THNSL1: variants seen among roughly 807,000 people sequenced by gnomAD.
THNSL1 encodes the protein threonine synthase like 1, also known as threonine synthase-like 1.
A neutral mutation model predicts 50.4 loss-of-function variants in THNSL1; 48 were observed. The ratio of observed to expected loss-of-function variants is 0.95; its 90% CI spans 0.76 to 1.21. THNSL1 has a LOEUF of 1.21. Ranked by LOEUF, THNSL1 falls within the 50% of genes most tolerant of loss-of-function variation. The pLI, the probability that THNSL1 is intolerant of heterozygous loss-of-function variation, is 0.00. For missense variants in THNSL1, 896 were observed against 871.7 expected, an observed-to-expected ratio of 1.03 and a Z score of -0.35; for synonymous variants, 309 against 306.1, an observed-to-expected ratio of 1.01 and a Z score of -0.10.
the THNSL1 span, among the ~76,000 whole-genome samples, chr10:24,969,699 G>T: frequency 6.6e-6 from 1 of 152,320 alleles, no homozygotes; most frequent in South Asian, 2.1e-4. Flanking sequence ...ATTTTATCAC[G>T]TGGAACGACA....
intron 1 of THNSL1, among the ~76,000 whole-genome samples, chr10:25,019,294 C>A (rs1175431806): frequency 6.6e-6 from 1 of 152,042 alleles, no homozygotes; most frequent in Non-Finnish European, 1.5e-5. Context: ...GGCAACATGG[C>A]GAAACCCCCT....
chr10:24,993,612 C>G, the THNSL1 span, among the ~76,000 whole-genome samples: 1 of 152,218 alleles, frequency 6.6e-6, no homozygotes, highest in Non-Finnish European at 1.5e-5. Context: ...TTTACTATCT[C>G]ACCTACCAAT....
chr10:25,015,339 G>A (rs1347742131), upstream of THNSL1, among the ~76,000 whole-genome samples: 1 of 152,092 alleles, frequency 6.6e-6, no homozygotes, highest in East Asian at 1.9e-4. Context: ...CTGCCTAATA[G>A]TGGTAGATAT....
At chr10:24,972,945 A>AT in the THNSL1 span, among the ~76,000 whole-genome samples, 8 of 152,118 alleles carry the variant, frequency 5.3e-5, no homozygotes, top group Non-Finnish European at 1.0e-4. Flanking sequence ...TATACTACAT[A>AT]TTTTTTTCTG....
At chr10:25,004,521 T>C in the THNSL1 span, among the ~76,000 whole-genome samples, 1 of 152,236 alleles carries the variant, frequency 6.6e-6, no homozygotes, top group Non-Finnish European at 1.5e-5. Flanking sequence ...TCAGTGATGT[T>C]AAGCTTTTCT....
the THNSL1 span, among the ~76,000 whole-genome samples, chr10:24,955,511 T>C: frequency 2.6e-5 from 4 of 152,186 alleles, no homozygotes; most frequent in African/African-American, 7.2e-5. Context: ...GATGATGAGA[T>C]GAATGTGAGA....
At chr10:25,007,837 G>A in the THNSL1 span, among the ~76,000 whole-genome samples, 6 of 151,902 alleles carry the variant, frequency 3.9e-5, no homozygotes, top group South Asian at 4.2e-4. Context: ...TCCTGTATCT[G>A]GTTGTCTCTC....
chr10:24,984,069 A>G, the THNSL1 span: 1 of 327,582 alleles, frequency 3.1e-6, no homozygotes, highest in Non-Finnish European at 5.5e-6. Context: ...GCTAGAAAGG[A>G]GGCTATTCTC....
At chr10:25,018,241 A>G (rs920423324) in intron 1 of THNSL1, among the ~76,000 whole-genome samples, 11 of 152,206 alleles carry the variant, frequency 7.2e-5, no homozygotes, top group East Asian at 3.8e-4. Context: ...TTGATCTGCA[A>G]TTCTCCTTGC....
chr10:24,986,034 C>T, the THNSL1 span, among the ~76,000 whole-genome samples: 1 of 152,178 alleles, frequency 6.6e-6, no homozygotes, highest in Non-Finnish European at 1.5e-5. Flanking sequence ...CGCCACTGCA[C>T]TCCAGCCTGA....
chr10:25,016,416 G>A (rs1183461609), upstream of THNSL1, among the ~76,000 whole-genome samples: 1 of 152,228 alleles, frequency 6.6e-6, no homozygotes, highest in Non-Finnish European at 1.5e-5. Flanking sequence ...GTGCGCAGGC[G>A]TCACCCAATA....
chr10:24,960,799 A>G, the THNSL1 span, among the ~76,000 whole-genome samples: 1 of 151,994 alleles, frequency 6.6e-6, no homozygotes, highest in South Asian at 2.1e-4. Flanking sequence ...TCTGTTGCCC[A>G]GGCTGGTTTC....
the THNSL1 span, among the ~76,000 whole-genome samples, chr10:24,968,589 CT>C: frequency 6.6e-6 from 1 of 152,190 alleles, no homozygotes; most frequent in African/African-American, 2.4e-5. Context: ...AGCCCCTACA[CT>C]GCCTCTTCTC....
chr10:24,967,824 T>C, the THNSL1 span, among the ~76,000 whole-genome samples: 725 of 152,026 alleles, frequency 4.8e-3, 5 homozygotes, highest in African/African-American at 0.017. Flanking sequence ...TGTGCATGTA[T>C]ATGATGTGTG....
Position 25,023,268 on chromosome 10 carries a change from G to A in THNSL1, c.45G>A (p.Gln15=). ...NRCHHLKKIT[Q]KCFSSIHVKT... ...GTCATCATCTGAAAAAGATAACACA[G>A]AAATGTTTTTCTAGTATACATGTTA... Residue 15 remains glutamine (Q), a synonymous_variant, in exon 3 of 3, where the codon CAG becomes CAA. Coordinates refer to ENST00000376356, the MANE Select transcript of THNSL1 (RefSeq NM_024838.5). 3.1e-6 allele frequency: 5 copies of A among 1,613,820 alleles called. No individual in the cohort carries two copies. Among genetic ancestry groups the A allele is most frequent in the Non-Finnish European group, 4.2e-6 (5 of 1,179,892 alleles).
the THNSL1 span, among the ~76,000 whole-genome samples, chr10:24,954,633 C>T: frequency 1.3e-5 from 2 of 152,124 alleles, no homozygotes; most frequent in Non-Finnish European, 2.9e-5. Context: ...CAACAGGAAT[C>T]TTATGAATGT....
the THNSL1 span, among the ~76,000 whole-genome samples, chr10:24,964,969 G>A: frequency 6.6e-6 from 1 of 152,014 alleles, no homozygotes. Flanking sequence ...AGGCTTTGGT[G>A]GGAGGATCAC....
the THNSL1 span, among the ~76,000 whole-genome samples, chr10:24,977,626 T>C: frequency 6.6e-6 from 1 of 152,158 alleles, no homozygotes; most frequent in Admixed American, 6.5e-5. Context: ...GAATATGTAT[T>C]AATAAAAAAA....
the THNSL1 span, among the ~76,000 whole-genome samples, chr10:24,954,383 A>G: frequency 6.6e-6 from 1 of 151,990 alleles, no homozygotes; most frequent in East Asian, 1.9e-4. Context: ...TTGGATATCA[A>G]AACTTAGCCA....
Sources: gnomAD v4.1 joint callset for allele counts (sites outside exome capture counted in the v4.1 genomes callset) on GRCh38, gnomAD v4.1.1 for gene constraint, MANE v1.5 for transcripts, NCBI Gene and HGNC (gene_info 2026-07-23, HGNC 2026-07-21) for gene names.